Variants in RUNX2 observed in about 807,000 individuals in gnomAD.
RUNX2 encodes runt-related transcription factor 2.
Under a neutral mutation model 51.7 loss-of-function variants are expected in RUNX2, and 10 were observed. The observed-to-expected ratio is 0.19, with a 90% CI of 0.12 to 0.33. RUNX2 has a LOEUF of 0.33. RUNX2 is among the 10% of genes least tolerant of loss of function. RUNX2 has a pLI of 1.00. For missense variants in RUNX2, 562 were observed against 691.3 expected, an observed-to-expected ratio of 0.81 and a Z score of 2.10; for synonymous variants, 276 against 273.6, an observed-to-expected ratio of 1.01 and a Z score of -0.09.
intron 5 of RUNX2, among the ~76,000 whole-genome samples, chr6:45,481,234 T>C (rs1475532342): frequency 6.6e-6 from 1 of 152,228 alleles, no homozygotes; most frequent in Non-Finnish European, 1.5e-5. Context: ...AGTCTGTTTG[T>C]AGGCTAGTTG....
At chr6:45,539,882 T>C (rs1802163151) in intron 7 of RUNX2, among the ~76,000 whole-genome samples, 1 of 152,260 alleles carries the variant, frequency 6.6e-6, no homozygotes, top group Non-Finnish European at 1.5e-5. Flanking sequence ...AAACCAATGA[T>C]AATACTTAGG....
Position 45,381,761 on chromosome 6 carries a change from T to A in RUNX2, c.59-40832T>A, listed in dbSNP as rs111275622. 5.7e-3 allele frequency among the ~76,000 whole-genome samples: 869 copies of A among 152,226 alleles called. 13 individuals are homozygous for A. Among genetic ancestry groups the A allele is most frequent in the African/African-American group, 0.02 (836 of 41,544 alleles). ...ACACATTTCAAAAGAAAAACCAGCG[T>A]GAAAAGATGTATCAAATATGCTGAT... is the stretch of plus-strand genomic sequence containing the variant. On this transcript the variant is annotated intron_variant, in intron 2 of 8. Coordinates refer to ENST00000647337, the MANE Select transcript of RUNX2 (RefSeq NM_001024630.4).
chr6:45,393,970 G>T (rs1290703713), intron 2 of RUNX2, among the ~76,000 whole-genome samples: 2 of 150,352 alleles, frequency 1.3e-5, no homozygotes, highest in East Asian at 3.9e-4. Flanking sequence ...GCCCAGGCGT[G>T]ATCTCGGCTC....
At chr6:45,513,243 AC>A (rs34735942) in intron 7 of RUNX2, among the ~76,000 whole-genome samples, 30,336 of 152,110 alleles carry the variant, frequency 0.2, 3,815 homozygotes, top group Non-Finnish European at 0.28. Context: ...CTCTTGGTCC[AC>A]CCTGACATAT....
Position 45,540,423 on chromosome 6 carries a change from G to A in RUNX2, c.1022-4794G>A, listed in dbSNP as rs555453149. Reference sequence around the variant, plus strand: ...CTATGTTTTCCTCTGCACCCTGCATGCTCTGTCAGGGTGCAGAGGTAGAAT... The same window carrying A: ...CTATGTTTTCCTCTGCACCCTGCATACTCTGTCAGGGTGCAGAGGTAGAAT... On this transcript the variant is annotated intron_variant, in intron 7 of 8. Coordinates refer to ENST00000647337, the MANE Select transcript of RUNX2 (RefSeq NM_001024630.4). Among the ~76,000 whole-genome samples the A allele has an allele frequency of 2.6e-4, 40 of 152,200 alleles. 2 individuals are homozygous for A. The South Asian group carries it at 7.9e-3, about 30-fold the overall frequency.
At chr6:45,451,833 A>G (rs944573862) in intron 5 of RUNX2, among the ~76,000 whole-genome samples, 2 of 152,232 alleles carry the variant, frequency 1.3e-5, no homozygotes, top group Non-Finnish European at 2.9e-5. Context: ...ATAAAGTGCA[A>G]CAAAGTGCCA....
intron 8 of RUNX2, 109 bp downstream of exon 8, chr6:45,545,391 GTCACTTTTTATTAC>G (rs1418977171): frequency 2.8e-5 from 34 of 1,230,896 alleles, no homozygotes; most frequent in Middle Eastern, 2.1e-4. Flanking sequence ...CTTTTAAAGA[GTCACTTTTTATTAC>G]AAATGCACAT....
intron 2 of RUNX2, among the ~76,000 whole-genome samples, chr6:45,385,002 C>G (rs1270555761): frequency 6.6e-6 from 1 of 152,052 alleles, no homozygotes; most frequent in African/African-American, 2.4e-5. Context: ...TATGCCCAGC[C>G]TATTTTTTCT....
At chr6:45,493,925 A>G (rs1800563307) in intron 6 of RUNX2, among the ~76,000 whole-genome samples, 1 of 152,084 alleles carries the variant, frequency 6.6e-6, no homozygotes, top group Non-Finnish European at 1.5e-5. Context: ...TTTGTTTGCT[A>G]TTTATGCTGT....
At chr6:45,453,341 G>T (rs563244277) in intron 5 of RUNX2, among the ~76,000 whole-genome samples, 70 of 152,278 alleles carry the variant, frequency 4.6e-4, no homozygotes, top group African/African-American at 1.6e-3. Flanking sequence ...TATAGGAAAG[G>T]TCTCTTCATT....
intron 2 of RUNX2, among the ~76,000 whole-genome samples, chr6:45,370,425 T>C (rs577225668): frequency 5.3e-5 from 8 of 152,048 alleles, no homozygotes; most frequent in Non-Finnish European, 1.2e-4. Flanking sequence ...TATGTTAAGT[T>C]TGAGACAACT....
intron 3 of RUNX2, among the ~76,000 whole-genome samples, chr6:45,426,515 C>T (rs75870189): frequency 0.08 from 12,147 of 152,122 alleles, 710 homozygotes; most frequent in South Asian, 0.18. Flanking sequence ...GTTCAGGGTT[C>T]GTAACTTAGT....
chr6:45,405,990 TAA>T (rs1207476044), intron 2 of RUNX2, among the ~76,000 whole-genome samples: 1 of 152,224 alleles, frequency 6.6e-6, no homozygotes, highest in Non-Finnish European at 1.5e-5. Flanking sequence ...GTCAGGAGAA[TAA>T]GAGTTTATAT....
At chr6:45,338,596 G>A (rs2150121623) in intron 2 of RUNX2, among the ~76,000 whole-genome samples, 1 of 152,144 alleles carries the variant, frequency 6.6e-6, no homozygotes, top group African/African-American at 2.4e-5. Context: ...AATTTAGGAA[G>A]CTCTGAGGGT....
At chr6:45,378,728 C>T (rs1338254923) in intron 2 of RUNX2, among the ~76,000 whole-genome samples, 1 of 151,674 alleles carries the variant, frequency 6.6e-6, no homozygotes, top group East Asian at 1.9e-4. Context: ...AATCTTGCAC[C>T]CCCAGTATTG....
At chr6:45,411,859 C>T (rs1797957835) in intron 2 of RUNX2, among the ~76,000 whole-genome samples, 1 of 152,074 alleles carries the variant, frequency 6.6e-6, no homozygotes, top group African/African-American at 2.4e-5. Flanking sequence ...CTACTAGATG[C>T]AACCCACATT....
chr6:45,523,080 C>T (rs923989377), intron 7 of RUNX2, among the ~76,000 whole-genome samples: 1 of 152,070 alleles, frequency 6.6e-6, no homozygotes, highest in Admixed American at 6.5e-5. Flanking sequence ...ATAGTCTTGA[C>T]AGGTCTATTA....
intron 5 of RUNX2, among the ~76,000 whole-genome samples, chr6:45,488,558 T>C (rs1800354497): frequency 6.6e-6 from 1 of 152,182 alleles, no homozygotes; most frequent in African/African-American, 2.4e-5. Context: ...TGGCTGCAGA[T>C]TGGATCATGT....
rs760543307 is a variant in RUNX2 at position 45,546,873 on chromosome 6, C to A, written c.1134C>A (p.Ser378Arg). The A allele has an allele frequency of 1.2e-6, 2 of 1,614,018 alleles. No homozygotes were observed. The highest frequency in any genetic ancestry group is 2.2e-5 in the South Asian group (2 of 91,056). ...TTTCAGACCCCAGGCAGTTCCCAAG[C>A]ATTTCATCCCTCACTGAGAGCCGCT... is the stretch of plus-strand genomic sequence containing the variant. ...GPFSDPRQFPSISSLTESRFS... is the reference protein window; with the variant it reads ...GPFSDPRQFPRISSLTESRFS... Residue 378 changes from serine to arginine, a missense_variant, in exon 9 of 9, where the codon AGC becomes AGA. Transcript: ENST00000647337.
Sources: gnomAD v4.1 joint callset for allele counts (sites outside exome capture counted in the v4.1 genomes callset) on GRCh38, gnomAD v4.1.1 for gene constraint, MANE v1.5 for transcripts, NCBI Gene and HGNC (gene_info 2026-07-23, HGNC 2026-07-21) for gene names.